The following ITPK1 variants were observed in gnomAD, a reference collection of about 807,000 sequenced individuals.
ITPK1 encodes inositol 1,3,4-trisphosphate 5/6-kinase.
Under a neutral mutation model 45.3 loss-of-function variants are expected in ITPK1, and 21 were observed. The observed-to-expected ratio is 0.46, with a 90% CI of 0.33 to 0.67. The LOEUF (loss-of-function observed/expected upper bound fraction) is 0.67. Among genes scored for constraint, ITPK1 ranks in the 30% least tolerant of loss-of-function variants. ITPK1 has a pLI of 0.02. For synonymous variants in ITPK1, 258 were observed against 253.6 expected (o/e 1.02, Z -0.16); for missense variants, 474 against 573.5 (o/e 0.83, Z 1.77).
rs114498412 is a variant in ITPK1 at position 93,040,686 on chromosome 14, C to A, written c.121-23885G>T. Among the ~76,000 whole-genome samples the A allele has an allele frequency of 1.6e-3, 245 of 152,316 alleles. 2 individuals are homozygous for A. Among genetic ancestry groups the A allele is most frequent in the African/African-American group, 5.4e-3 (226 of 41,566 alleles). The stretch of plus-strand genomic sequence containing the variant: ...CCATTCAATGCCCCCCTCTCCCCCC[C>A]GCAGGAGGCTGCCCAGCACTCCCTG... On this transcript the variant is annotated intron_variant, in intron 3 of 10. Transcript: ENST00000267615.
intron 7 of ITPK1, among the ~76,000 whole-genome samples, chr14:92,961,564 C>T (rs112522273): frequency 1.5e-3 from 226 of 152,350 alleles, no homozygotes; most frequent in African/African-American, 5.1e-3. Context: ...ACCCCTGTGG[C>T]AGTGACAGAG....
chr14:93,097,223 G>C (rs187441452), intron 2 of ITPK1, among the ~76,000 whole-genome samples: 26,829 of 152,058 alleles, frequency 0.18, 2,461 homozygotes, highest in South Asian at 0.28. Context: ...CAGGCCCTTT[G>C]CAATGACTTT....
chr14:93,024,439 C>T (rs1888628178), intron 3 of ITPK1, among the ~76,000 whole-genome samples: 1 of 152,184 alleles, frequency 6.6e-6, no homozygotes, highest in African/African-American at 2.4e-5. Context: ...CCTATAGTCG[C>T]GATGAGCACA....
intron 2 of ITPK1, among the ~76,000 whole-genome samples, chr14:93,079,871 T>C (rs957271963): frequency 3.3e-5 from 5 of 152,174 alleles, no homozygotes; most frequent in African/African-American, 1.2e-4. Context: ...CAAGTGACTG[T>C]TCCTCCTGAA....
intron 5 of ITPK1, among the ~76,000 whole-genome samples, chr14:92,965,419 A>G (rs1251537059): frequency 2.0e-5 from 3 of 152,216 alleles, no homozygotes; most frequent in East Asian, 3.8e-4. Context: ...CACTTCCCCT[A>G]AGACCAGGAA....
intron 3 of ITPK1, among the ~76,000 whole-genome samples, chr14:93,064,590 G>A (rs370560105): frequency 2.6e-5 from 4 of 152,164 alleles, no homozygotes; most frequent in African/African-American, 9.7e-5. Flanking sequence ...CCACCGCCAA[G>A]TTTCTGGGAC....
At chr14:93,092,025 C>T (rs112030830) in intron 2 of ITPK1, among the ~76,000 whole-genome samples, 432 of 152,320 alleles carry the variant, frequency 2.8e-3, no homozygotes, top group African/African-American at 9.8e-3. Flanking sequence ...CCCCTGTCCC[C>T]CAGGCTCTCC....
intron 5 of ITPK1, among the ~76,000 whole-genome samples, chr14:92,963,298 G>A (rs552227333): frequency 1.3e-5 from 2 of 152,198 alleles, no homozygotes; most frequent in East Asian, 1.9e-4. Flanking sequence ...AATAATAATC[G>A]CAGTGACAAT....
intron 5 of ITPK1, among the ~76,000 whole-genome samples, chr14:92,983,028 G>C (rs1886306707): frequency 1.3e-5 from 2 of 152,214 alleles, no homozygotes; most frequent in Non-Finnish European, 2.9e-5. Context: ...CCACGGGCAG[G>C]GGAAGAGCAG....
chr14:93,110,673 G>T (rs1270269240), intron 2 of ITPK1, among the ~76,000 whole-genome samples: 1 of 152,186 alleles, frequency 6.6e-6, no homozygotes, highest in Non-Finnish European at 1.5e-5. Context: ...GAACATTAAT[G>T]AACTCCTCAG....
At chr14:92,989,520 C>A (rs1475980291) in intron 5 of ITPK1, among the ~76,000 whole-genome samples, 2 of 152,166 alleles carry the variant, frequency 1.3e-5, no homozygotes, top group Non-Finnish European at 2.9e-5. Context: ...AGTTTGGGAG[C>A]CAGCTAGAGC....
At chr14:93,075,647 A>G (rs990085430) in intron 3 of ITPK1, among the ~76,000 whole-genome samples, 3 of 152,194 alleles carry the variant, frequency 2.0e-5, no homozygotes, top group African/African-American at 4.8e-5. Context: ...CTGCTCTCCT[A>G]TGACCGCTGA....
At chr14:92,997,823 G>A (rs967923534) in intron 4 of ITPK1, among the ~76,000 whole-genome samples, 5 of 152,186 alleles carry the variant, frequency 3.3e-5, no homozygotes, top group African/African-American at 4.8e-5. Context: ...GAACACACCT[G>A]GGGCAGAGCG....
intron 4 of ITPK1, among the ~76,000 whole-genome samples, chr14:93,011,337 G>A (rs903387020): frequency 2.2e-4 from 33 of 152,236 alleles, no homozygotes; most frequent in Middle Eastern, 3.2e-3. Context: ...CTCGCTTGGC[G>A]GACTAGCAGG....
chr14:92,959,052 G>T (rs951391179), intron 7 of ITPK1, among the ~76,000 whole-genome samples: 1 of 152,192 alleles, frequency 6.6e-6, no homozygotes, highest in African/African-American at 2.4e-5. Flanking sequence ...GTGATACTCC[G>T]CAAACAACAG....
intron 3 of ITPK1, chr14:93,066,466 G>A (rs1595183793): frequency 1.5e-5 from 5 of 322,978 alleles, no homozygotes; most frequent in Admixed American, 1.4e-4. Flanking sequence ...GTTCAGTGGC[G>A]CGATCTCGGC....
At chr14:93,041,976 G>A (rs748602308) in intron 3 of ITPK1, among the ~76,000 whole-genome samples, 13 of 152,122 alleles carry the variant, frequency 8.5e-5, no homozygotes, top group South Asian at 2.1e-4. Context: ...TGTCCCCCGC[G>A]GTGTCTAATC....
Position 93,036,616 on chromosome 14 carries a change from C to T in ITPK1, c.121-19815G>A, listed in dbSNP as rs4905039. 0.019 allele frequency among the ~76,000 whole-genome samples: 2,880 copies of T among 151,944 alleles called. 72 individuals are homozygous for T. The highest frequency in any genetic ancestry group is 0.081 in the Admixed American group (1,234 of 15,258). Reference sequence around the variant, plus strand: ...TCTGTGGCCCACACCCCTCATGACTCACCAGGCTCAGCACCCCAGGGGCCG... The same window carrying T: ...TCTGTGGCCCACACCCCTCATGACTTACCAGGCTCAGCACCCCAGGGGCCG... On this transcript the variant is annotated intron_variant, in intron 3 of 10. Transcript: ENST00000267615. The surrounding 1 kb of genome is among the most constrained non-coding windows in gnomAD (Gnocchi z 4.1).
intron 5 of ITPK1, among the ~76,000 whole-genome samples, chr14:92,977,494 G>A (rs1886007096): frequency 6.6e-6 from 1 of 152,212 alleles, no homozygotes; most frequent in South Asian, 2.1e-4. Context: ...AGCCGACGTG[G>A]TTTGGCTCTC....
Sources: gnomAD v4.1 joint callset for allele counts (sites outside exome capture counted in the v4.1 genomes callset) on GRCh38, gnomAD v4.1.1 for gene constraint, Gnocchi (gnomAD v3.1) non-coding constraint, MANE v1.5 for transcripts, NCBI Gene and HGNC (gene_info 2026-07-23, HGNC 2026-07-21) for gene names.